The following REXO1 variants were observed in gnomAD, a reference collection of about 807,000 sequenced individuals.
REXO1 encodes the protein RNA exonuclease 1 homolog, also known as REX1, RNA exonuclease 1 homolog.
REXO1 carries 42 observed loss-of-function variants against 102.6 expected under a neutral mutation model. The ratio of observed to expected loss-of-function variants is 0.41; its 90% CI spans 0.32 to 0.53. The LOEUF is 0.53. Ranked by LOEUF, REXO1 falls within the 20% of genes least tolerant of loss-of-function variation. REXO1 has a pLI of 0.27. For missense variants in REXO1, 1,819 were observed against 1,732.5 expected (o/e 1.05, Z -0.89); for synonymous variants, 908 against 779.1 (o/e 1.17, Z -2.76).
chr19:1,820,461 C>G (rs2069500104), intron 5 of REXO1, 66 bp from the exon 6 acceptor site: 2 of 1,580,712 alleles, frequency 1.3e-6, no homozygotes, highest in Non-Finnish European at 1.7e-6. Context: ...GGAACGCAGA[C>G]GCGATGAGGC....
intron 1 of REXO1, among the ~76,000 whole-genome samples, chr19:1,829,676 C>T (rs996402973): frequency 4.6e-5 from 7 of 151,994 alleles, no homozygotes; most frequent in African/African-American, 1.4e-4. Context: ...GGCGTGGTGG[C>T]GCATGCCTGT....
At chr19:1,824,936 C>A (rs1024261895) in intron 3 of REXO1, among the ~76,000 whole-genome samples, 2 of 151,932 alleles carry the variant, frequency 1.3e-5, no homozygotes, top group Non-Finnish European at 2.9e-5. Flanking sequence ...CAGGTGCGTG[C>A]CACCGCGCCC....
At chr19:1,844,521 A>G (rs1488466562) in intron 1 of REXO1, among the ~76,000 whole-genome samples, 1 of 152,120 alleles carries the variant, frequency 6.6e-6, no homozygotes, top group African/African-American at 2.4e-5. Context: ...GGGCTTCAGT[A>G]GATACTGGGT....
intron 1 of REXO1, among the ~76,000 whole-genome samples, chr19:1,836,743 CA>C (rs1185957602): frequency 0.015 from 985 of 64,574 alleles, 2 homozygotes; most frequent in African/African-American, 0.054. Flanking sequence ...AAGACTGTCT[CA>C]AAAAAAAAAA....
At position 1,827,939 on chromosome 19, in the gene REXO1, C is replaced by T. The variant is rs770821496; in HGVS notation, c.850G>A (p.Ala284Thr). The T allele has an allele frequency of 3.1e-6, 5 of 1,613,772 alleles. No individual in the cohort carries two copies. The highest frequency in any genetic ancestry group is 4.2e-6 in the Non-Finnish European group (5 of 1,179,892). ...TCATCTTCTGAGTCTGAGAACCTTG[C>T]ATCGCAACTGCCAAAGGGGTCACAG... ...KLCDPFGSCD[A>T]RFSDSEDEAA... Residue 284 changes from alanine to threonine, a missense_variant, in exon 2 of 16, where the codon GCA (alanine) becomes ACA (threonine). Ala to Thr is a moderately conservative substitution (Grantham distance 58). Transcript: ENST00000170168.
At chr19:1,816,916 TGACCAGA>T in intron 12 of REXO1, 103 bp from the exon 13 acceptor site, 1 of 895,298 alleles carries the variant, frequency 1.1e-6, no homozygotes, top group Non-Finnish European at 1.8e-6. Context: ...GCAGAGGCAG[TGACCAGA>T]GACTCTGTGG....
At chr19:1,822,173 C>T (rs1326642060) in intron 4 of REXO1, 2 of 330,500 alleles carry the variant, frequency 6.1e-6, no homozygotes, top group Non-Finnish European at 1.1e-5. Context: ...GCAACCTGGG[C>T]ATGTACGTCT....
At chr19:1,842,104 G>A (rs1384135415) in intron 1 of REXO1, among the ~76,000 whole-genome samples, 1 of 152,024 alleles carries the variant, frequency 6.6e-6, no homozygotes, top group Non-Finnish European at 1.5e-5. Flanking sequence ...CCAGCTACCT[G>A]GGACACTGAG....
intron 1 of REXO1, among the ~76,000 whole-genome samples, chr19:1,846,689 A>G (rs570459646): frequency 6.6e-6 from 1 of 152,254 alleles, no homozygotes; most frequent in South Asian, 2.1e-4. Context: ...AGGAGTTTTG[A>G]GACAAGCCTG....
Position 1,827,216 on chromosome 19 carries a change from C to G in REXO1, c.1573G>C (p.Glu525Gln). ...GGCCCTGCGGCCTCGTCCTCACTCTCGTCCCCAAAGAGGTCGGCGTGGCTC... is the reference window on the plus strand; with the variant it reads ...GGCCCTGCGGCCTCGTCCTCACTCTGGTCCCCAAAGAGGTCGGCGTGGCTC... ...ALSHADLFGD[E>Q]SEDEAAGPGV... is the part of the protein sequence containing the mutation. Residue 525 changes from glutamate (E) to glutamine (Q), a missense_variant, in exon 2 of 16, where the codon GAG (glutamate) becomes CAG (glutamine). Coordinates refer to ENST00000170168, the MANE Select transcript of REXO1 (RefSeq NM_020695.4). 1.3e-6 allele frequency: 2 copies of G among 1,542,416 alleles called. No individual in the cohort carries two copies. Among genetic ancestry groups the G allele is most frequent in the Non-Finnish European group, 1.7e-6 (2 of 1,148,228 alleles).
At chr19:1,816,900 C>T in intron 12 of REXO1, 87 bp from the exon 13 acceptor site, 1 of 1,026,762 alleles carries the variant, frequency 9.7e-7, no homozygotes, top group Non-Finnish European at 1.5e-6. Flanking sequence ...TCCAGAGCCC[C>T]TCCAGGCAGA....
chr19:1,832,333 G>A (rs887728482), intron 1 of REXO1, among the ~76,000 whole-genome samples: 4 of 152,240 alleles, frequency 2.6e-5, no homozygotes, highest in Admixed American at 1.3e-4. Context: ...GAGAGAGTGT[G>A]CTGCTTTAAG....
chr19:1,846,879 T>G (rs2011565950), intron 1 of REXO1, among the ~76,000 whole-genome samples: 1 of 152,070 alleles, frequency 6.6e-6, no homozygotes, highest in African/African-American at 2.4e-5. Context: ...GACTATAGAG[T>G]GAGACCCTGT....
intron 1 of REXO1, among the ~76,000 whole-genome samples, chr19:1,846,198 A>C (rs1199599338): frequency 6.6e-6 from 1 of 152,218 alleles, no homozygotes; most frequent in African/African-American, 2.4e-5. Flanking sequence ...AGCCTCTTCA[A>C]ATCTCATAGG....
Position 1,815,651 on chromosome 19 carries a change from A to G in REXO1, c.*415T>C. 1 of 1,192,112 alleles carries G rather than the reference A, an allele frequency of 8.4e-7. No homozygotes were observed. The highest frequency in any genetic ancestry group is 5.2e-5 in the East Asian group (1 of 19,110). The allele number at this position is 1,192,112 out of a possible 1,614,324, so 73.8% of individuals were successfully genotyped here. A position where few individuals can be genotyped will look rare whatever the true frequency, so the allele number is the denominator to read the frequency against. On this transcript the variant is annotated 3_prime_UTR_variant, in exon 16 of 16. Transcript: ENST00000170168. The surrounding 1 kb of genome is among the most constrained non-coding windows in gnomAD (Gnocchi z 4.0). ...CAGGTTTAAATTAAAAATAATAAAAATAACAATACAAAATAAAAAAAGACT... is the reference window on the plus strand; with the variant it reads ...CAGGTTTAAATTAAAAATAATAAAAGTAACAATACAAAATAAAAAAAGACT...
Position 1,821,613 on chromosome 19 carries a change from C to T in REXO1, c.2300G>A (p.Gly767Asp), listed in dbSNP as rs1462629712. ...CAATGTGCGTGTTTTCAGCTGCTGGCCACCTGGCTCAGGGCCGTTGGAGGA... is the reference window on the plus strand; with the variant it reads ...CAATGTGCGTGTTTTCAGCTGCTGGTCACCTGGCTCAGGGCCGTTGGAGGA... ...SQSSNGPEPG[G>D]QQLKTRTLSG... Residue 767 changes from glycine (G) to aspartate (D), a missense_variant, in exon 5 of 16, where the codon GGC (glycine) becomes GAC (aspartate). Transcript: ENST00000170168. 6.2e-7 allele frequency: 1 copy of T among 1,613,774 alleles called. No homozygotes were observed. The highest frequency in any genetic ancestry group is 1.1e-5 in the South Asian group (1 of 91,084).
intron 1 of REXO1, among the ~76,000 whole-genome samples, chr19:1,845,581 T>C (rs1033070245): frequency 6.6e-6 from 1 of 152,176 alleles, no homozygotes; most frequent in African/African-American, 2.4e-5. Context: ...GGTGGATCCC[T>C]TGAGTCCAGG....
At chr19:1,841,651 G>A (rs553689686) in intron 1 of REXO1, among the ~76,000 whole-genome samples, 1 of 152,314 alleles carries the variant, frequency 6.6e-6, no homozygotes, top group East Asian at 1.9e-4. Flanking sequence ...ACAGAGGCCG[G>A]CCACTGGCAC....
In REXO1 at chr19:1,828,472, T is replaced by C. The variant is rs771146344; in HGVS notation, c.317A>G (p.Gln106Arg). Residue 106 changes from glutamine (Q) to arginine (R), a missense_variant, in exon 2 of 16, where the codon CAG (glutamine) becomes CGG (arginine). Gln to Arg is a conservative substitution (Grantham distance 43, BLOSUM62 1). Coordinates refer to ENST00000170168, the MANE Select transcript of REXO1 (RefSeq NM_020695.4). ...CTCCAGCAGCTCCCGGTAGCGCCGC[T>C]GCTCCAGCTCCACCTCACTGCGCAC... ...EAVRSEVELE[Q>R]RRYRELLETT... 5 of 1,606,770 alleles carry C rather than the reference T, an allele frequency of 3.1e-6. No individual in the cohort carries two copies. The highest frequency in any genetic ancestry group is 4.2e-6 in the Non-Finnish European group (5 of 1,179,762).
Sources: gnomAD v4.1 joint callset for allele counts (sites outside exome capture counted in the v4.1 genomes callset) on GRCh38, gnomAD v4.1.1 for gene constraint, Gnocchi (gnomAD v3.1) non-coding constraint, MANE v1.5 for transcripts, NCBI Gene and HGNC (gene_info 2026-07-23, HGNC 2026-07-21) for gene names.